UBE2D2: variants seen among roughly 807,000 people sequenced by gnomAD.
UBE2D2 encodes ubiquitin conjugating enzyme E2 D2.
A neutral mutation model predicts 24.2 loss-of-function variants in UBE2D2; 2 were observed. The ratio of observed to expected loss-of-function variants is 0.08; its 90% CI spans 0.03 to 0.26. The LOEUF (loss-of-function observed/expected upper bound fraction) is 0.26, where lower values mean the gene tolerates loss of function less well. Among genes scored for constraint, UBE2D2 ranks in the 10% least tolerant of loss-of-function variants. UBE2D2 has a pLI of 1.00. For missense variants in UBE2D2, 44 were observed against 177.6 expected (o/e 0.25, Z 4.28); for synonymous variants, 58 against 56.5 (o/e 1.03, Z -0.12).
intron 2 of UBE2D2, among the ~76,000 whole-genome samples, chr5:139,602,503 CCT>C (rs1754101409): frequency 6.6e-6 from 1 of 151,924 alleles, no homozygotes; most frequent in Non-Finnish European, 1.5e-5. Context: ...ATGGTGAAAC[CCT>C]CTCTCTACAA....
chr5:139,605,289 G>C (rs1331239590), intron 2 of UBE2D2, among the ~76,000 whole-genome samples: 5 of 151,992 alleles, frequency 3.3e-5, no homozygotes, highest in African/African-American at 1.2e-4. Context: ...AGGAAGAAAT[G>C]TACATCCTGA....
At chr5:139,560,344 C>T (rs943900136), upstream of UBE2D2, among the ~76,000 whole-genome samples, 1 of 152,078 alleles carries the variant, frequency 6.6e-6, no homozygotes, top group Non-Finnish European at 1.5e-5. Context: ...ACTACAGGCG[C>T]CTGCCACCAT....
chr5:139,527,973 A>T (rs890071493), intron 1 of UBE2D2, among the ~76,000 whole-genome samples: 1 of 152,242 alleles, frequency 6.6e-6, no homozygotes, highest in Non-Finnish European at 1.5e-5. Context: ...CGTGGACTGC[A>T]TGGTAGCTCT....
chr5:139,551,026 C>T (rs1259622428), intron 1 of UBE2D2, among the ~76,000 whole-genome samples: 1 of 152,146 alleles, frequency 6.6e-6, no homozygotes, highest in East Asian at 1.9e-4. Flanking sequence ...CACAAGTGTG[C>T]ATACCATCTT....
intron 1 of UBE2D2, among the ~76,000 whole-genome samples, chr5:139,570,600 C>T (rs1753335159): frequency 6.6e-6 from 1 of 151,516 alleles, no homozygotes. Context: ...CAACCTCTGC[C>T]TCCTGAGTTC....
chr5:139,543,008 T>C (rs1461731100), intron 1 of UBE2D2, among the ~76,000 whole-genome samples: 1 of 152,196 alleles, frequency 6.6e-6, no homozygotes, highest in Non-Finnish European at 1.5e-5. Flanking sequence ...GCGATTCTCC[T>C]GCCTCAGCCT....
At position 139,562,305 on chromosome 5, in the gene UBE2D2, A is replaced by G. The variant is rs775232028; in HGVS notation, c.24+490A>G. Reference sequence around the variant, plus strand: ...AGGAAGCCGTTTTGCCCGATCCACAAGTATATCCTGAGTTCACTTACCTCT... The same window carrying G: ...AGGAAGCCGTTTTGCCCGATCCACAGGTATATCCTGAGTTCACTTACCTCT... On this transcript the variant is annotated intron_variant, in intron 1 of 6. Transcript: ENST00000398733. The G allele has an allele frequency of 7.4e-6, 10 of 1,350,944 alleles. No individual in the cohort carries two copies. In the Admixed American group the frequency reaches 1.5e-4, roughly 21 times the overall value. 83.7% of individuals were successfully genotyped at this position (1,350,944 alleles called of 1,614,324 possible). A position where few individuals can be genotyped will look rare whatever the true frequency, so the allele number is the denominator to read the frequency against.
At chr5:139,539,181 C>T (rs761767146) in intron 1 of UBE2D2, among the ~76,000 whole-genome samples, 2 of 151,782 alleles carry the variant, frequency 1.3e-5, no homozygotes, top group Admixed American at 1.3e-4. Flanking sequence ...CCCACCACCA[C>T]GACCAGCTAA....
At chr5:139,546,873 T>TTC (rs1752837998) in intron 1 of UBE2D2, among the ~76,000 whole-genome samples, 1 of 146,632 alleles carries the variant, frequency 6.8e-6, no homozygotes, top group Non-Finnish European at 1.5e-5. Flanking sequence ...TTCCTTCCTT[T>TTC]CTTTCCTTCT....
chr5:139,543,880 G>C (rs1329067144), intron 1 of UBE2D2, among the ~76,000 whole-genome samples: 5 of 152,190 alleles, frequency 3.3e-5, no homozygotes, highest in Non-Finnish European at 5.9e-5. Flanking sequence ...TGAAGCCTTT[G>C]ACAGGTGTTC....
At chr5:139,589,790 T>G (rs1753804949) in intron 1 of UBE2D2, among the ~76,000 whole-genome samples, 1 of 152,110 alleles carries the variant, frequency 6.6e-6, no homozygotes, top group Non-Finnish European at 1.5e-5. Context: ...GGGTTGGTAC[T>G]TTGTTTTTTT....
At chr5:139,561,039 T>G (rs1445952593), upstream of UBE2D2, 1 of 152,628 alleles carries the variant, frequency 6.6e-6, no homozygotes, top group African/African-American at 2.4e-5. Flanking sequence ...CTGGACAACA[T>G]TCGCCTTTTA....
intron 1 of UBE2D2, among the ~76,000 whole-genome samples, chr5:139,578,077 C>T (rs889693065): frequency 1.3e-4 from 20 of 152,286 alleles, no homozygotes; most frequent in South Asian, 4.1e-4. Flanking sequence ...TTCACATAGA[C>T]TCTTCCCATC....
intron 2 of UBE2D2, 83 bp downstream of exon 2, chr5:139,600,518 G>A (rs1754050551): frequency 6.9e-7 from 1 of 1,445,296 alleles, no homozygotes; most frequent in African/African-American, 1.4e-5. Flanking sequence ...TAGGGAAGAG[G>A]CAGTGTTTAA....
At chr5:139,579,352 G>A (rs1753546906) in intron 1 of UBE2D2, among the ~76,000 whole-genome samples, 1 of 152,222 alleles carries the variant, frequency 6.6e-6, no homozygotes, top group African/African-American at 2.4e-5. Context: ...TCTCCATGTT[G>A]GTCAGGCTGG....
At chr5:139,606,017 G>A (rs76811989) in intron 2 of UBE2D2, among the ~76,000 whole-genome samples, 2,115 of 152,126 alleles carry the variant, frequency 0.014, 25 homozygotes, top group Middle Eastern at 0.054. Context: ...CCCTGTGATT[G>A]CAGCTGCGAG....
chr5:139,536,492 T>G (rs1222799375), intron 1 of UBE2D2, among the ~76,000 whole-genome samples: 3 of 152,124 alleles, frequency 2.0e-5, no homozygotes, highest in Non-Finnish European at 4.4e-5. Flanking sequence ...GCCTCCTGAG[T>G]AGCTGGGAAT....
chr5:139,600,170 C>G lies in UBE2D2; in HGVS notation c.25-202C>G. 3 of 657,982 alleles carry G rather than the reference C, an allele frequency of 4.6e-6. No individual in the cohort carries two copies. In the Admixed American group the frequency reaches 6.8e-5, roughly 15 times the overall value. The allele number at this position is 657,982 out of a possible 1,614,324, so 40.8% of individuals were successfully genotyped here. A position where few individuals can be genotyped will look rare whatever the true frequency, so the allele number is the denominator to read the frequency against. On this transcript the variant is annotated intron_variant, in intron 1 of 6. Coordinates refer to ENST00000398733, the MANE Select transcript of UBE2D2 (RefSeq NM_003339.3). Reference sequence around the variant, plus strand: ...AAGCTCTGAACAAAGCAAAAATGACCCACTTTAAAAAAATACACATTGCCT... The same window carrying G: ...AAGCTCTGAACAAAGCAAAAATGACGCACTTTAAAAAAATACACATTGCCT...
intron 1 of UBE2D2, among the ~76,000 whole-genome samples, chr5:139,551,354 A>G (rs1010226571): frequency 6.6e-6 from 1 of 151,616 alleles, no homozygotes; most frequent in African/African-American, 2.4e-5. Context: ...CATCTCAAAG[A>G]AAAAAAAAGA....
Sources: allele counts gnomAD v4.1 joint callset (sites outside exome capture counted in the v4.1 genomes callset), GRCh38; gene constraint gnomAD v4.1.1; transcripts MANE v1.5; gene names NCBI Gene and HGNC (gene_info 2026-07-23, HGNC 2026-07-21).